STK3: variants seen among roughly 807,000 people sequenced by gnomAD.
The protein encoded by STK3 is serine/threonine-protein kinase 3.
In STK3, 41 loss-of-function variants were observed where a neutral mutation model predicts 58.0. The observed-to-expected ratio is 0.71, with a 90% CI of 0.55 to 0.92. The LOEUF (loss-of-function observed/expected upper bound fraction) is 0.92. Ranked by LOEUF, STK3 falls within the 40% of genes least tolerant of loss-of-function variation. STK3 has a pLI of 0.00. For synonymous variants in STK3, 170 were observed against 191.0 expected, an observed-to-expected ratio of 0.89 and a Z score of 0.91; for missense variants, 479 against 602.7, an observed-to-expected ratio of 0.79 and a Z score of 2.15.
intron 6 of STK3, among the ~76,000 whole-genome samples, chr8:98,614,611 G>A (rs868669370): frequency 2.1e-4 from 32 of 149,784 alleles, no homozygotes; most frequent in Non-Finnish European, 3.8e-4. Context: ...CGCACCGTGC[G>A]CGAGCCGAAG....
intron 10 of STK3, among the ~76,000 whole-genome samples, chr8:98,525,707 T>G (rs1825694599): frequency 6.6e-6 from 1 of 152,076 alleles, no homozygotes; most frequent in South Asian, 2.1e-4. Context: ...CTGCTAATAT[T>G]TGCTAGCAAT....
rs1169975485 is a variant in STK3, at chr8:98,462,326, T to C, written c.1318-6326A>G. 2.6e-5 allele frequency among the ~76,000 whole-genome samples: 4 copies of C among 152,100 alleles called. No individual in the cohort carries two copies. In the East Asian group the frequency reaches 7.7e-4, roughly 29 times the overall value. On this transcript the variant is annotated intron_variant, in intron 10 of 10. Coordinates refer to ENST00000419617, the MANE Select transcript of STK3 (RefSeq NM_006281.4). ...GAATGGATAAAGAAAATATGGTACATATACACAATGGAGTACATTCGTGTG... is the reference window on the plus strand; with the variant it reads ...GAATGGATAAAGAAAATATGGTACACATACACAATGGAGTACATTCGTGTG...
Position 98,849,273 on chromosome 8 carries a change from A to G in STK3, c.110+34374T>C, listed in dbSNP as rs1395588353. Among the ~76,000 whole-genome samples, 3 of 152,078 alleles carry G rather than the reference A, an allele frequency of 2.0e-5. No individual in the cohort carries two copies. In the East Asian group the frequency reaches 5.8e-4, roughly 29 times the overall value. On this transcript the variant is annotated intron_variant, in intron 3 of 12. Coordinates refer to the STK3 transcript ENST00000523601. ...TTCTTAAAAGCATAAAAAATCATCAACTTATTCCAATATCTGTATATTTTC... is the reference window on the plus strand; with the variant it reads ...TTCTTAAAAGCATAAAAAATCATCAGCTTATTCCAATATCTGTATATTTTC...
intron 1 of STK3, among the ~76,000 whole-genome samples, chr8:98,904,424 A>G (rs1838805953): frequency 6.6e-6 from 1 of 152,356 alleles, no homozygotes; most frequent in African/African-American, 2.4e-5. Context: ...AGGAAAGAAA[A>G]GTCAACTTAG....
intron 7 of STK3, among the ~76,000 whole-genome samples, chr8:98,591,421 C>A (rs1377294303): frequency 6.6e-6 from 1 of 152,144 alleles, no homozygotes; most frequent in Non-Finnish European, 1.5e-5. Context: ...TTTTGACTTA[C>A]AATATTTTAA....
chr8:98,571,721 C>T (rs532387409), intron 8 of STK3, among the ~76,000 whole-genome samples: 58 of 152,232 alleles, frequency 3.8e-4, no homozygotes, highest in Non-Finnish European at 5.1e-4. Context: ...TAACACCTTT[C>T]TTCAGATAAA....
chr8:98,886,182 C>CACAT (rs1272326667), intron 1 of STK3, among the ~76,000 whole-genome samples: 1 of 152,124 alleles, frequency 6.6e-6, no homozygotes, highest in Non-Finnish European at 1.5e-5. Flanking sequence ...GAACTATGTA[C>CACAT]ACATACACAC....
chr8:98,463,635 A>G (rs987141845), intron 10 of STK3, among the ~76,000 whole-genome samples: 1 of 152,178 alleles, frequency 6.6e-6, no homozygotes. Flanking sequence ...CTTTAAGTTT[A>G]CATATCTAGT....
chr8:98,494,610 G>A (rs1822975825), intron 10 of STK3, among the ~76,000 whole-genome samples: 1 of 137,752 alleles, frequency 7.3e-6, no homozygotes, highest in Non-Finnish European at 1.5e-5. Context: ...AGCTATAATG[G>A]TGCCACTGCA....
At chr8:98,442,856 T>A (rs1818747189) in intron 1 of STK3, among the ~76,000 whole-genome samples, 1 of 152,188 alleles carries the variant, frequency 6.6e-6, no homozygotes, top group Non-Finnish European at 1.5e-5. Flanking sequence ...ATAAAGCACT[T>A]TTTAGTACTG....
chr8:98,581,198 T>C (rs973368716), intron 7 of STK3, among the ~76,000 whole-genome samples: 2 of 152,172 alleles, frequency 1.3e-5, no homozygotes, highest in African/African-American at 4.8e-5. Context: ...GGGCTCCTTG[T>C]TACTAATGGA....
At chr8:98,469,391 T>G (rs545815349) in intron 10 of STK3, among the ~76,000 whole-genome samples, 4 of 152,324 alleles carry the variant, frequency 2.6e-5, no homozygotes, top group South Asian at 2.1e-4. Context: ...TGTTCCCAAA[T>G]GTTCCTGCAA....
At chr8:98,355,717 T>C in the STK3 span, among the ~76,000 whole-genome samples, 8 of 152,162 alleles carry the variant, frequency 5.3e-5, no homozygotes, top group African/African-American at 1.4e-4. Context: ...CTGCCCAGTA[T>C]AGATACTGCA....
At chr8:98,552,472 C>G (rs1811246337) in intron 8 of STK3, among the ~76,000 whole-genome samples, 1 of 152,140 alleles carries the variant, frequency 6.6e-6, no homozygotes, top group Non-Finnish European at 1.5e-5. Flanking sequence ...TCACCAAGCT[C>G]TAACCAAGCT....
At chr8:98,504,409 C>T (rs548417681) in intron 10 of STK3, among the ~76,000 whole-genome samples, 235 of 152,194 alleles carry the variant, frequency 1.5e-3, no homozygotes, top group Non-Finnish European at 2.8e-3. Context: ...ACTATTGTTA[C>T]GTGTGAATTT....
chr8:98,928,796 G>A (rs979971210), intron 1 of STK3, among the ~76,000 whole-genome samples: 2 of 152,100 alleles, frequency 1.3e-5, no homozygotes, highest in Non-Finnish European at 2.9e-5. Context: ...TCCTCACTTG[G>A]AAATAATTCC....
the STK3 span, among the ~76,000 whole-genome samples, chr8:98,349,990 T>G: frequency 7.9e-5 from 12 of 152,296 alleles, no homozygotes; most frequent in Middle Eastern, 3.4e-3. Context: ...TCCATGTTAC[T>G]TATGCAAATT....
intron 4 of STK3, among the ~76,000 whole-genome samples, chr8:98,720,407 C>G (rs1346435129): frequency 6.6e-6 from 1 of 152,146 alleles, no homozygotes; most frequent in Non-Finnish European, 1.5e-5. Context: ...TTACTTCCAT[C>G]CCACCACTGC....
intron 4 of STK3, among the ~76,000 whole-genome samples, chr8:98,733,224 C>T (rs902273068): frequency 1.3e-5 from 2 of 152,212 alleles, no homozygotes; most frequent in African/African-American, 2.4e-5. Context: ...AAGAAAAACA[C>T]CTGCCCTTTT....
Sources: gnomAD v4.1 joint callset for allele counts (sites outside exome capture counted in the v4.1 genomes callset) on GRCh38, gnomAD v4.1.1 for gene constraint, MANE v1.5 for transcripts, NCBI Gene and HGNC (gene_info 2026-07-23, HGNC 2026-07-21) for gene names.